Variants in HDAC9 observed in about 807,000 individuals in gnomAD.
HDAC9 encodes histone deacetylase 9, also known as MEF-2 interacting transcription repressor (MITR) protein.
A neutral mutation model predicts 139.4 loss-of-function variants in HDAC9; 41 were observed. The ratio of observed to expected loss-of-function variants is 0.29; its 90% CI spans 0.23 to 0.38. HDAC9 has a LOEUF of 0.38. Ranked by LOEUF, HDAC9 falls within the 10% of genes least tolerant of loss-of-function variation. HDAC9 has a pLI of 1.00. For missense variants in HDAC9, 1,147 were observed against 1,297.0 expected, an observed-to-expected ratio of 0.88 and a Z score of 1.78; for synonymous variants, 517 against 476.2, an observed-to-expected ratio of 1.09 and a Z score of -1.12.
intron 2 of HDAC9, among the ~76,000 whole-genome samples, chr7:18,531,795 A>C (rs774595857): frequency 1.3e-5 from 2 of 152,088 alleles, no homozygotes; most frequent in Non-Finnish European, 2.9e-5. Flanking sequence ...CTACTGTTGG[A>C]GTTCTATTGA....
At position 18,946,036 on chromosome 7, in the gene HDAC9, C is replaced by CAAAAAAAAAAAAAAAAAAA. The variant is rs1171055959; in HGVS notation, c.2938-8090_2938-8072dup. On this transcript the variant is annotated intron_variant, in intron 23 of 25. Transcript: ENST00000686413. ...TGGGTGATAGTACAAGACTCCGTCT[C>CAAAAAAAAAAAAAAAAAAA]AAAAAAAAAAAAAAAAAAAAAAAAA... is the stretch of plus-strand genomic sequence containing the variant. Among the ~76,000 whole-genome samples, 4 of 38,276 alleles carry CAAAAAAAAAAAAAAAAAAA rather than the reference C, an allele frequency of 1.0e-4. 1 individual carries two copies. The highest frequency in any genetic ancestry group is 3.0e-4 in the African/African-American group (4 of 13,512). 25.1% of individuals were successfully genotyped at this position (38,276 alleles called of 152,430 possible). A position where few individuals can be genotyped will look rare whatever the true frequency, so the allele number is the denominator to read the frequency against.
At chr7:18,925,110 T>C (rs1010275034) in intron 22 of HDAC9, among the ~76,000 whole-genome samples, 3 of 152,190 alleles carry the variant, frequency 2.0e-5, no homozygotes, top group African/African-American at 7.2e-5. Flanking sequence ...GTAAGAAGAA[T>C]GGGTTACAGT....
chr7:18,556,963 T>G (rs189971080), intron 2 of HDAC9, among the ~76,000 whole-genome samples: 34 of 152,206 alleles, frequency 2.2e-4, no homozygotes, highest in African/African-American at 7.0e-4. Context: ...GTATGGCAAG[T>G]TCAGAAACCT....
chr7:18,984,863 A>G (rs1222162455), intron 25 of HDAC9, among the ~76,000 whole-genome samples: 1 of 152,098 alleles, frequency 6.6e-6, no homozygotes, highest in Non-Finnish European at 1.5e-5. Context: ...ATTCCCCACA[A>G]AAACTTGCTG....
At position 18,883,639 on chromosome 7, in the gene HDAC9, G is replaced by A. The variant is rs188925732; in HGVS notation, c.2803+9043G>A. Among the ~76,000 whole-genome samples the A allele has an allele frequency of 2.5e-3, 382 of 152,154 alleles. 2 individuals are homozygous for A. Among genetic ancestry groups the A allele is most frequent in the African/African-American group, 8.8e-3 (366 of 41,528 alleles). On this transcript the variant is annotated intron_variant, in intron 22 of 25. Transcript: ENST00000686413. The stretch of plus-strand genomic sequence containing the variant: ...CTAAGGTCAGGAACAAGATAAGGAT[G>A]CTCACTCTCGCCACTTCTATTCAGC...
chr7:18,777,278 C>T (rs1790852176), intron 16 of HDAC9, among the ~76,000 whole-genome samples: 1 of 151,986 alleles, frequency 6.6e-6, no homozygotes, highest in Non-Finnish European at 1.5e-5. Context: ...TACAGTACTC[C>T]AACACCTGCC....
intron 17 of HDAC9, among the ~76,000 whole-genome samples, chr7:18,825,468 GA>G (rs201089273): frequency 6.7e-5 from 10 of 149,980 alleles, no homozygotes; most frequent in East Asian, 3.9e-4. Context: ...AGGCTGAGAG[GA>G]AAAAAAAATG....
rs200897001 is a variant in HDAC9 at position 18,443,792 on chromosome 7, CTG to C, written c.-41-52458_-41-52457del. On this transcript the variant is annotated intron_variant, in intron 1 of 3. Transcript: ENST00000413509. ...AACATTATGTTCTTTCTCTCCCTCTCTGTGTGTGTGTGTATATATATACATAT... is the reference window on the plus strand; with the variant it reads ...AACATTATGTTCTTTCTCTCCCTCTCTGTGTGTGTGTATATATATACATAT... Among the ~76,000 whole-genome samples, 289 of 151,170 alleles carry C rather than the reference CTG, an allele frequency of 1.9e-3. 1 individual carries two copies. The highest frequency in any genetic ancestry group is 6.5e-3 in the African/African-American group (268 of 41,230).
intron 1 of HDAC9, among the ~76,000 whole-genome samples, chr7:18,291,618 G>C (rs763836093): frequency 6.6e-6 from 1 of 152,084 alleles, no homozygotes; most frequent in Non-Finnish European, 1.5e-5. Context: ...ATATTGGGCT[G>C]TCTTCTGACC....
At chr7:18,904,572 CTTTTT>C (rs71017010) in intron 22 of HDAC9, among the ~76,000 whole-genome samples, 3 of 71,942 alleles carry the variant, frequency 4.2e-5, no homozygotes, top group Admixed American at 1.8e-4. Flanking sequence ...CTCCCCATTT[CTTTTT>C]TTTTTTTTTT....
intron 1 of HDAC9, among the ~76,000 whole-genome samples, chr7:18,417,775 C>G (rs1011989894): frequency 6.6e-6 from 1 of 152,142 alleles, no homozygotes; most frequent in African/African-American, 2.4e-5. Flanking sequence ...CTTTAGGCCT[C>G]TCAGGTGGTA....
chr7:18,927,931 G>A (rs772767968), intron 22 of HDAC9, among the ~76,000 whole-genome samples: 7 of 152,070 alleles, frequency 4.6e-5, no homozygotes, highest in East Asian at 1.9e-4. Context: ...ATAATAGTTG[G>A]GGGGAGACTT....
At chr7:18,984,724 G>C (rs1244644308) in intron 25 of HDAC9, among the ~76,000 whole-genome samples, 1 of 152,124 alleles carries the variant, frequency 6.6e-6, no homozygotes, top group Non-Finnish European at 1.5e-5. Flanking sequence ...GCCATTAGCT[G>C]AGAGAGAAAA....
intron 1 of HDAC9, among the ~76,000 whole-genome samples, chr7:18,316,562 C>T (rs1799652862): frequency 1.4e-5 from 2 of 142,708 alleles, no homozygotes; most frequent in South Asian, 4.4e-4. Flanking sequence ...CTTGGGAGGC[C>T]AAGGCACATG....
rs866166687 is a variant in HDAC9, at chr7:18,732,854, T to C, written c.1909+5097T>C. Among the ~76,000 whole-genome samples the C allele has an allele frequency of 9.6e-3, 664 of 69,078 alleles. 33 individuals are homozygous for C. The highest frequency in any genetic ancestry group is 0.025 in the Middle Eastern group (3 of 120). 45.3% of individuals were successfully genotyped at this position (69,078 alleles called of 152,430 possible). A position where few individuals can be genotyped will look rare whatever the true frequency, so the allele number is the denominator to read the frequency against. On this transcript the variant is annotated intron_variant, in intron 13 of 25. Transcript: ENST00000686413. ...GCGTATGTGTACACACACGTGTGTA[T>C]GTGTGCGTATGTGTACACACACACG... is the stretch of plus-strand genomic sequence containing the variant.
Position 18,990,889 on chromosome 7 carries a change from C to T in HDAC9, c.3171-5134C>T, listed in dbSNP as rs570530085. On this transcript the variant is annotated intron_variant, in intron 25 of 25. Coordinates refer to ENST00000686413, the MANE Select transcript of HDAC9 (RefSeq NM_178425.4). ...GTGCTTCCCAAGTGAGGCAATGTCT[C>T]GCCCTGCTTGGGCTCGCGCATGGAG... Among the ~76,000 whole-genome samples the T allele has an allele frequency of 1.1e-3, 166 of 152,344 alleles. 1 individual carries two copies. The highest frequency in any genetic ancestry group is 3.3e-3 in the South Asian group (16 of 4,826).
chr7:18,520,883 C>G (rs1346983555), intron 2 of HDAC9, among the ~76,000 whole-genome samples: 4 of 152,162 alleles, frequency 2.6e-5, no homozygotes, highest in Non-Finnish European at 5.9e-5. Context: ...TTAGCCATAG[C>G]TGGGTCTTAA....
chr7:18,303,415 G>GTGTGTT lies in HDAC9; in HGVS notation c.-42+12905_-42+12906insTTGTGT, dbSNP rs1218595593. Among the ~76,000 whole-genome samples the GTGTGTT allele has an allele frequency of 8.9e-5, 11 of 123,498 alleles. No individual in the cohort carries two copies. The East Asian group carries it at 2.4e-3, about 27-fold the overall frequency. 81.0% of individuals were successfully genotyped at this position (123,498 alleles called of 152,430 possible). ...TGTGTGTGTGTGTGTGTGTGTGTGT[G>GTGTGTT]TGTGTGTGTTTTTAGTAGAGATGGG... On this transcript the variant is annotated intron_variant, in intron 1 of 3. Transcript: ENST00000413509.
chr7:18,544,552 A>G (rs1309006128), intron 2 of HDAC9, among the ~76,000 whole-genome samples: 3 of 152,192 alleles, frequency 2.0e-5, no homozygotes, highest in African/African-American at 7.2e-5. Flanking sequence ...TGACATGCCT[A>G]CCAGGGCTGT....
Sources: allele counts gnomAD v4.1 joint callset (sites outside exome capture counted in the v4.1 genomes callset), GRCh38; gene constraint gnomAD v4.1.1; transcripts MANE v1.5; gene names NCBI Gene and HGNC (gene_info 2026-07-23, HGNC 2026-07-21).